The following RAD54B variants were observed in gnomAD, a reference collection of about 807,000 sequenced individuals.
RAD54B encodes RAD54 homolog B.
A neutral mutation model predicts 95.8 loss-of-function variants in RAD54B; 78 were observed. The observed-to-expected ratio is 0.81, with a 90% CI of 0.68 to 0.98. RAD54B has a LOEUF of 0.98. Among genes scored for constraint, RAD54B ranks in the 50% least tolerant of loss-of-function variants. The pLI is 0.00. For missense variants in RAD54B, 957 were observed against 1,056.6 expected (o/e 0.91, Z 1.31); for synonymous variants, 328 against 354.9 (o/e 0.92, Z 0.85).
At chr8:94,422,604 AAAAAAAAAAAAAAATATATATATAT>A (rs1811834935) in intron 3 of RAD54B, among the ~76,000 whole-genome samples, 1 of 99,346 alleles carries the variant, frequency 1.0e-5, no homozygotes, top group African/African-American at 4.9e-5. Flanking sequence ...AAAAAAAAAA[AAAAAAAAAAAAAAATATATATATAT>A]ATATATATAT....
chr8:94,430,916 G>C, intron 3 of RAD54B: 1 of 985,298 alleles, frequency 1.0e-6, no homozygotes, highest in Non-Finnish European at 1.2e-6. Flanking sequence ...CAATGGCTTA[G>C]CACTGCATTT....
intron 12 of RAD54B, 78 bp downstream of exon 12, chr8:94,380,067 T>C (rs1810695222): frequency 7.0e-7 from 1 of 1,433,612 alleles, no homozygotes; most frequent in Non-Finnish European, 9.4e-7. Context: ...TTATATATCA[T>C]CATTATCTTT....
intron 3 of RAD54B, chr8:94,429,844 C>T (rs1435981105): frequency 1.0e-6 from 1 of 985,110 alleles, no homozygotes; most frequent in African/African-American, 1.7e-5. Context: ...AAAATAGTAC[C>T]TTGAGTTCAT....
At chr8:94,436,941 A>G in intron 3 of RAD54B, 2 of 1,451,512 alleles carry the variant, frequency 1.4e-6, no homozygotes, top group East Asian at 5.0e-5. Context: ...CTCTTTTCAC[A>G]AACAGAAAAA....
chr8:94,472,362 C>T (rs1272910388), intron 1 of RAD54B, among the ~76,000 whole-genome samples: 1 of 152,138 alleles, frequency 6.6e-6, no homozygotes, highest in Non-Finnish European at 1.5e-5. Flanking sequence ...CGGTAACTGT[C>T]ACAGGACGAC....
chr8:94,467,014 G>A (rs1219273226), intron 2 of RAD54B, among the ~76,000 whole-genome samples: 4 of 151,918 alleles, frequency 2.6e-5, no homozygotes, highest in Non-Finnish European at 4.4e-5. Flanking sequence ...CTGCAGCTTT[G>A]ACCTCCCAGG....
intron 9 of RAD54B, 95 bp downstream of exon 9, chr8:94,393,648 C>G: frequency 8.2e-7 from 1 of 1,216,794 alleles, no homozygotes; most frequent in Non-Finnish European, 1.2e-6. Flanking sequence ...AGAGTTCACA[C>G]TATTGATTTT....
chr8:94,411,366 G>T (rs1247343071), intron 3 of RAD54B, 51 bp from the exon 4 acceptor site: 1 of 1,419,016 alleles, frequency 7.0e-7, no homozygotes, highest in Admixed American at 2.7e-5. Flanking sequence ...TAATGTCTAA[G>T]TAGTAAGGTC....
At chr8:94,424,821 C>T (rs755373426) in intron 3 of RAD54B, among the ~76,000 whole-genome samples, 1 of 151,916 alleles carries the variant, frequency 6.6e-6, no homozygotes, top group East Asian at 1.9e-4. Flanking sequence ...CAGCACTTTG[C>T]GGGGCCAAGG....
At chr8:94,385,071 C>A (rs772096796) in intron 11 of RAD54B, among the ~76,000 whole-genome samples, 1 of 152,158 alleles carries the variant, frequency 6.6e-6, no homozygotes, top group Non-Finnish European at 1.5e-5. Flanking sequence ...CCACTGCACT[C>A]CGGCCTGTGC....
At chr8:94,460,580 A>C (rs921497565) in intron 2 of RAD54B, among the ~76,000 whole-genome samples, 3 of 152,164 alleles carry the variant, frequency 2.0e-5, no homozygotes, top group Non-Finnish European at 4.4e-5. Context: ...TTGTATATGT[A>C]TGGGTTTTCT....
chr8:94,404,582 G>GA (rs1176491605), intron 5 of RAD54B, among the ~76,000 whole-genome samples: 5 of 152,132 alleles, frequency 3.3e-5, no homozygotes, highest in African/African-American at 1.2e-4. Context: ...ATTTCCAACT[G>GA]AAAGTACAGG....
chr8:94,450,566 T>A (rs1176530457), intron 3 of RAD54B, among the ~76,000 whole-genome samples: 1 of 152,202 alleles, frequency 6.6e-6, no homozygotes, highest in African/African-American at 2.4e-5. Flanking sequence ...TATAACTAAC[T>A]TCTATTCAAA....
At chr8:94,429,596 A>G (rs1355003994) in intron 3 of RAD54B, 1 of 983,044 alleles carries the variant, frequency 1.0e-6, no homozygotes, top group Non-Finnish European at 1.2e-6. Context: ...AAAGCTTACT[A>G]CTGCCAAGAT....
intron 3 of RAD54B, among the ~76,000 whole-genome samples, chr8:94,422,888 GT>G (rs1811858513): frequency 6.7e-6 from 1 of 150,034 alleles, no homozygotes; most frequent in Middle Eastern, 3.2e-3. Flanking sequence ...CAATGATCTT[GT>G]TTTTACCTTT....
At chr8:94,406,075 T>A (rs1811383973) in intron 5 of RAD54B, among the ~76,000 whole-genome samples, 1 of 151,360 alleles carries the variant, frequency 6.6e-6, no homozygotes, top group Non-Finnish European at 1.5e-5. Context: ...TTACATCACA[T>A]ACACACAACA....
chr8:94,442,299 C>T (rs560488103), intron 3 of RAD54B, among the ~76,000 whole-genome samples: 62 of 152,216 alleles, frequency 4.1e-4, no homozygotes, highest in African/African-American at 1.4e-3. Flanking sequence ...AAAAGCTGGG[C>T]ACGGTGGCTC....
chr8:94,431,571 T>C, intron 3 of RAD54B: 1 of 938,766 alleles, frequency 1.1e-6, no homozygotes, highest in South Asian at 4.9e-5. Flanking sequence ...TTACCCTAAG[T>C]AAGTCATTGA....
Position 94,399,525 on chromosome 8 carries a change from T to C in RAD54B, c.1267A>G (p.Ile423Val), listed in dbSNP as rs1162261667. 16 of 1,612,920 alleles carry C rather than the reference T, an allele frequency of 9.9e-6. No individual in the cohort carries two copies. Among genetic ancestry groups the C allele is most frequent in the Non-Finnish European group, 1.4e-5 (16 of 1,179,230 alleles). ...LLRSLDQIKNIKFDLLICDEG... is the reference protein window; with the variant it reads ...LLRSLDQIKNVKFDLLICDEG... ...TCACAGATTAGAAGATCAAATTTTATATTCTTAATTTGATCCAGGGAACGA... is the reference window on the plus strand; with the variant it reads ...TCACAGATTAGAAGATCAAATTTTACATTCTTAATTTGATCCAGGGAACGA... The change falls in exon 8 of 15, where the codon ATA (isoleucine) becomes GTA (valine). Residue 423 changes from isoleucine (I) to valine (V), a missense_variant. Ile to Val is a conservative substitution (Grantham distance 29). Coordinates refer to ENST00000336148, the MANE Select transcript of RAD54B (RefSeq NM_012415.3).
Sources: allele counts gnomAD v4.1 joint callset (sites outside exome capture counted in the v4.1 genomes callset), GRCh38; gene constraint gnomAD v4.1.1; transcripts MANE v1.5; gene names NCBI Gene and HGNC (gene_info 2026-07-23, HGNC 2026-07-21).